HMCN1: variants seen among roughly 807,000 people sequenced by gnomAD.
HMCN1 encodes the protein hemicentin-1.
HMCN1 carries 321 observed loss-of-function variants against 625.9 expected under a neutral mutation model. That is an observed-to-expected ratio of 0.51 (90% CI 0.47 to 0.56). HMCN1 has a LOEUF of 0.56. HMCN1 is among the 20% of genes least tolerant of loss of function. HMCN1 has a pLI of 0.00. For missense variants in HMCN1, 6,588 were observed against 6,887.3 expected (o/e 0.96, Z 1.54); for synonymous variants, 2,425 against 2,417.6 (o/e 1.00, Z -0.09).
At chr1:186,118,743 G>A (rs1026127640) in intron 77 of HMCN1, among the ~76,000 whole-genome samples, 4 of 152,200 alleles carry the variant, frequency 2.6e-5, no homozygotes, top group African/African-American at 9.6e-5. Context: ...AGTGAAAGAA[G>A]TCAGACACCA....
chr1:185,963,558 C>T (rs540392679), intron 12 of HMCN1, among the ~76,000 whole-genome samples: 74 of 152,004 alleles, frequency 4.9e-4, no homozygotes, highest in African/African-American at 1.7e-3. Flanking sequence ...TCTAGAGCAG[C>T]GGCTGGTATG....
In HMCN1 at chr1:185,923,671, T is replaced by C; in HGVS notation, c.1285+18T>C. On this transcript the variant is annotated intron_variant, in intron 8 of 106. Coordinates refer to ENST00000271588, the MANE Select transcript of HMCN1 (RefSeq NM_031935.3). Reference sequence around the variant, plus strand: ...TGTCCCAGGTGAGACATCATTTTATTCAACATTGAAATATTGACAGTTTAA... The same window carrying C: ...TGTCCCAGGTGAGACATCATTTTATCCAACATTGAAATATTGACAGTTTAA... 6.3e-7 allele frequency: 1 copy of C among 1,583,828 alleles called. No homozygotes were observed. Among genetic ancestry groups the C allele is most frequent in the Non-Finnish European group, 8.6e-7 (1 of 1,162,694 alleles).
intron 1 of HMCN1, among the ~76,000 whole-genome samples, chr1:185,815,026 T>C (rs532225553): frequency 4.7e-5 from 7 of 150,192 alleles, no homozygotes; most frequent in Admixed American, 2.0e-4. Flanking sequence ...TTATAGAGGG[T>C]AAGAAAAATC....
At chr1:186,164,279 C>G (rs1651727998) in intron 97 of HMCN1, among the ~76,000 whole-genome samples, 1 of 147,142 alleles carries the variant, frequency 6.8e-6, no homozygotes, top group Non-Finnish European at 1.5e-5. Context: ...TCGCTCTGTC[C>G]CCCAGGCTGG....
intron 1 of HMCN1, among the ~76,000 whole-genome samples, chr1:185,742,423 T>C (rs1654052761): frequency 1.1e-5 from 1 of 89,172 alleles, no homozygotes; most frequent in Non-Finnish European, 2.8e-5. Context: ...CTCCAGGACT[T>C]TTTTTTTAGT....
chr1:185,821,800 T>C (rs559156153), intron 1 of HMCN1, among the ~76,000 whole-genome samples: 32 of 150,862 alleles, frequency 2.1e-4, no homozygotes, highest in Non-Finnish European at 3.5e-4. Context: ...GGGAATTGCC[T>C]TGGCAAGCAG....
chr1:185,971,262 A>T (rs1209784820), intron 15 of HMCN1, among the ~76,000 whole-genome samples: 4 of 152,210 alleles, frequency 2.6e-5, no homozygotes, highest in Admixed American at 6.5e-5. Flanking sequence ...GCTTTTACTT[A>T]AAAAAATTCA....
Position 186,081,384 on chromosome 1 carries a change from G to T in HMCN1, c.8777G>T (p.Arg2926Leu), listed in dbSNP as rs377760099. 1 of 1,609,884 alleles carries T rather than the reference G, an allele frequency of 6.2e-7. No homozygotes were observed. The change falls in exon 56 of 107, where the codon CGA becomes CTA. Residue 2926 changes from arginine (R) to leucine (L), a missense_variant. By Grantham distance (102) the Arg-to-Leu change is moderately radical (BLOSUM62 -2). Coordinates refer to ENST00000271588, the MANE Select transcript of HMCN1 (RefSeq NM_031935.3). Reference sequence around the variant, plus strand: ...CATCATAAATTTCTATCTAATGGACGAATTCTGCAGGTAAAAGTAAAGAAA... The same window carrying T: ...CATCATAAATTTCTATCTAATGGACTAATTCTGCAGGTAAAAGTAAAGAAA... ...DDHHKFLSNG[R>L]ILQILNTQIT... is the part of the protein sequence containing the mutation.
intron 1 of HMCN1, among the ~76,000 whole-genome samples, chr1:185,755,011 A>G (rs1571307578): frequency 6.6e-6 from 1 of 152,318 alleles, no homozygotes; most frequent in East Asian, 1.9e-4. Context: ...TAATTATAGT[A>G]CCTTCTCATA....
rs1379342691 is a variant in HMCN1, at chr1:186,016,204, G to A, written c.5156G>A (p.Gly1719Glu). Residue 1719 changes from glycine to glutamate, a missense_variant, in exon 32 of 107, where the codon GGA becomes GAA. Gly to Glu is a moderately conservative substitution (Grantham distance 98). This residue lies in a region of HMCN1 where 4,628 missense variants were observed against 4,853.1 expected (regional missense o/e 0.95). Coordinates refer to ENST00000271588, the MANE Select transcript of HMCN1 (RefSeq NM_031935.3). Reference protein sequence around the residue: ...QYICVATSVAGEKEIKYEVDV... With the variant: ...QYICVATSVAEEKEIKYEVDV... ...ATATGCGTGGCTACCAGTGTGGCAG[G>A]AGAAAAGGAAATCAAATATGAAGTT... is the stretch of plus-strand genomic sequence containing the variant. 3 of 1,613,118 alleles carry A rather than the reference G, an allele frequency of 1.9e-6. No individual in the cohort carries two copies. The highest frequency in any genetic ancestry group is 2.5e-6 in the Non-Finnish European group (3 of 1,179,388).
intron 11 of HMCN1, among the ~76,000 whole-genome samples, chr1:185,951,864 G>A (rs913687641): frequency 6.4e-4 from 98 of 151,976 alleles, no homozygotes; most frequent in African/African-American, 2.2e-3. Context: ...TTGTCTCACA[G>A]TGGAGGCAAG....
At chr1:186,040,946 G>C in intron 39 of HMCN1, 67 bp from the exon 40 acceptor site, 1 of 1,572,534 alleles carries the variant, frequency 6.4e-7, no homozygotes, top group Non-Finnish European at 8.7e-7. Flanking sequence ...AAAAATAAGA[G>C]AAAAAATCTA....
At chr1:185,858,405 G>A (rs867228126) in intron 2 of HMCN1, among the ~76,000 whole-genome samples, 2 of 151,430 alleles carry the variant, frequency 1.3e-5, no homozygotes, top group East Asian at 1.9e-4. Flanking sequence ...TGCGGCAGAC[G>A]TTTAAAGGAT....
chr1:185,895,193 A>G lies in HMCN1; in HGVS notation c.622-14144A>G, dbSNP rs1349344661. Among the ~76,000 whole-genome samples, 3 of 152,258 alleles carry G rather than the reference A, an allele frequency of 2.0e-5. No homozygotes were observed. The East Asian group carries it at 5.8e-4, about 29-fold the overall frequency. ...ACATTTGAACCTCACCGATGCTGCAACTATCTATTTGTAAATATATGTTGC... is the reference window on the plus strand; with the variant it reads ...ACATTTGAACCTCACCGATGCTGCAGCTATCTATTTGTAAATATATGTTGC... On this transcript the variant is annotated intron_variant, in intron 4 of 106. Transcript: ENST00000271588.
At chr1:185,939,997 G>C (rs1668003653) in intron 11 of HMCN1, among the ~76,000 whole-genome samples, 3 of 152,082 alleles carry the variant, frequency 2.0e-5, no homozygotes, top group Non-Finnish European at 4.4e-5. Context: ...GCTCTAAAAA[G>C]TTTATTTTAG....
intron 1 of HMCN1, among the ~76,000 whole-genome samples, chr1:185,807,984 T>G (rs1015310990): frequency 3.3e-5 from 5 of 152,122 alleles, no homozygotes; most frequent in Non-Finnish European, 7.4e-5. Flanking sequence ...ATATTGAAAT[T>G]TCTAAATAAT....
chr1:186,184,437 A>G (rs994843032), intron 105 of HMCN1, among the ~76,000 whole-genome samples: 1 of 152,226 alleles, frequency 6.6e-6, no homozygotes, highest in African/African-American at 2.4e-5. Context: ...CAGACACTCT[A>G]GTCAAAAGTG....
Position 186,016,166 on chromosome 1 carries a change from T to C in HMCN1, c.5118T>C (p.Asp1706=). ...KLEIMSAQEI[D]RGQYICVATS... ...AAATCATGAGTGCCCAAGAAATTGA[T>C]CGAGGACAGTACATATGCGTGGCTA... The change falls in exon 32 of 107, where the codon GAT becomes GAC. Residue 1706 remains aspartate (D), a synonymous_variant. Coordinates refer to ENST00000271588, the MANE Select transcript of HMCN1 (RefSeq NM_031935.3). The C allele has an allele frequency of 6.2e-7, 1 of 1,613,424 alleles. No homozygotes were observed. Among genetic ancestry groups the C allele is most frequent in the Non-Finnish European group, 8.5e-7 (1 of 1,179,530 alleles).
intron 71 of HMCN1, among the ~76,000 whole-genome samples, chr1:186,110,974 A>ATTTTTTTTTTTTTTTTTTTTTTTTT (rs778503338): frequency 5.0e-5 from 3 of 59,946 alleles, no homozygotes; most frequent in African/African-American, 4.6e-4. Flanking sequence ...ACCAGAGAAA[A>ATTTTTTTTTTTTTTTTTTTTTTTTT]TTCTTTTTTT....
Sources: gnomAD v4.1 joint callset for allele counts (sites outside exome capture counted in the v4.1 genomes callset) on GRCh38, gnomAD v4.1.1 for gene constraint, gnomAD v4.1.1 regional missense constraint, MANE v1.5 for transcripts, NCBI Gene and HGNC (gene_info 2026-07-23, HGNC 2026-07-21) for gene names.